The following ITGB2 variants were observed in gnomAD, a reference collection of about 807,000 sequenced individuals.
The protein encoded by ITGB2 is integrin beta-2.
A neutral mutation model predicts 86.8 loss-of-function variants in ITGB2; 56 were observed. The observed-to-expected ratio is 0.65, with a 90% CI of 0.52 to 0.81. The LOEUF (loss-of-function observed/expected upper bound fraction) is 0.81, where lower values mean the gene tolerates loss of function less well. ITGB2 is among the 30% of genes least tolerant of loss of function. The probability of loss-of-function intolerance (pLI) is 0.00; values close to 1 mark genes in which losing one functional copy is unlikely to be tolerated. For missense variants in ITGB2, 948 were observed against 1,061.2 expected (o/e 0.89, Z 1.48); for synonymous variants, 457 against 450.4 (o/e 1.01, Z -0.19).
rs750067657 is a variant in ITGB2, at chr21:44,899,155, G to A, written c.905C>T (p.Pro302Leu). ...LYKRSNEFDYPSVGQLAHKLA... is the reference protein window; with the variant it reads ...LYKRSNEFDYLSVGQLAHKLA... ...CTTGTGCGCCAGCTGGCCCACCGAT[G>A]GGTAGTCCTGGAGAGAGGAGGTCCT... The change falls in exon 8 of 16, where the codon CCA becomes CTA. Residue 302 changes from proline (P) to leucine (L), a missense_variant. Transcript: ENST00000652462. 2.0e-5 allele frequency: 33 copies of A among 1,613,392 alleles called. No homozygotes were observed. Among genetic ancestry groups the A allele is most frequent in the Non-Finnish European group, 2.8e-5 (33 of 1,179,416 alleles).
intron 7 of ITGB2, among the ~76,000 whole-genome samples, chr21:44,899,952 T>C (rs1210209192): frequency 6.6e-6 from 1 of 152,164 alleles, no homozygotes; most frequent in Non-Finnish European, 1.5e-5. Flanking sequence ...AGGCGGATGC[T>C]TGGGGATGGG....
At chr21:44,924,619 C>T (rs1184966141), upstream of ITGB2, among the ~76,000 whole-genome samples, 2 of 152,126 alleles carry the variant, frequency 1.3e-5, no homozygotes, top group African/African-American at 4.8e-5. Context: ...AGCACAAAGA[C>T]CATAAGGAGG....
At chr21:44,926,091 C>T (rs972155304) in intron 1 of ITGB2, among the ~76,000 whole-genome samples, 2 of 151,836 alleles carry the variant, frequency 1.3e-5, no homozygotes, top group African/African-American at 2.4e-5. Flanking sequence ...GACAACAGAG[C>T]GAGACTCCGT....
At chr21:44,918,989 A>G in intron 1 of ITGB2, among the ~76,000 whole-genome samples, 2 of 152,162 alleles carry the variant, frequency 1.3e-5, no homozygotes, top group African/African-American at 4.8e-5. Context: ...CAGCACTCGG[A>G]GCTGAGCATT....
At chr21:44,900,254 AC>A in intron 7 of ITGB2, 65 bp downstream of exon 7, 1 of 1,592,052 alleles carries the variant, frequency 6.3e-7, no homozygotes, top group Non-Finnish European at 8.6e-7. Context: ...TGGAGACCCC[AC>A]CCTTGTCTCC....
At chr21:44,886,616 C>G (rs2083702107) in intron 15 of ITGB2, 120 bp downstream of exon 15, 2 of 1,499,748 alleles carry the variant, frequency 1.3e-6, no homozygotes, top group Non-Finnish European at 1.9e-6. Flanking sequence ...AGAGGACAAG[C>G]TGCCTGGGGA....
intron 3 of ITGB2, among the ~76,000 whole-genome samples, chr21:44,909,983 G>C (rs1276960284): frequency 6.6e-6 from 1 of 152,224 alleles, no homozygotes; most frequent in Non-Finnish European, 1.5e-5. Flanking sequence ...AGTTTTGTAA[G>C]TGAAAACCTT....
intron 8 of ITGB2, among the ~76,000 whole-genome samples, chr21:44,895,502 C>T (rs2083851650): frequency 6.6e-6 from 1 of 152,058 alleles, no homozygotes; most frequent in African/African-American, 2.4e-5. Context: ...TGCACTCCAG[C>T]CTGGGCGACA....
chr21:44,908,407 T>C (rs1441782779), intron 3 of ITGB2, among the ~76,000 whole-genome samples: 2 of 151,944 alleles, frequency 1.3e-5, no homozygotes, highest in Non-Finnish European at 2.9e-5. Context: ...ATAATATTAT[T>C]ATTATTATTA....
At chr21:44,897,132 G>T (rs994682263) in intron 8 of ITGB2, among the ~76,000 whole-genome samples, 8 of 152,130 alleles carry the variant, frequency 5.3e-5, no homozygotes, top group African/African-American at 1.7e-4. Flanking sequence ...CGTGTCTCCC[G>T]CAGGGTCCTG....
chr21:44,924,155 C>T (rs532305889), upstream of ITGB2, among the ~76,000 whole-genome samples: 21 of 152,214 alleles, frequency 1.4e-4, 1 homozygote, highest in South Asian at 3.7e-3. Flanking sequence ...TCAGGCCAGT[C>T]GCGGTGGCTC....
intron 4 of ITGB2, among the ~76,000 whole-genome samples, chr21:44,906,443 GGGAC>G (rs1466003221): frequency 6.6e-6 from 1 of 152,080 alleles, no homozygotes; most frequent in African/African-American, 2.4e-5. Context: ...GCACTGACAG[GGGAC>G]TGTGTTCTGA....
At position 44,901,422 on chromosome 21, in the gene ITGB2, C is replaced by T; in HGVS notation, c.741+70G>A. ...TGCCGGCCAGGGTACCCCCCTGCCC[C>T]CACACAGCGCCTGACAGAGCCCCCC... On this transcript the variant is annotated intron_variant, in intron 6 of 15. Transcript: ENST00000652462. The T allele has an allele frequency of 4.5e-6, 7 of 1,569,940 alleles. No individual in the cohort carries two copies. The South Asian group carries it at 6.8e-5, about 15-fold the overall frequency.
chr21:44,889,825 C>T (rs2083758998), intron 12 of ITGB2, among the ~76,000 whole-genome samples, 153 bp downstream of exon 12: 1 of 152,186 alleles, frequency 6.6e-6, no homozygotes, highest in Non-Finnish European at 1.5e-5. Flanking sequence ...CATCCAAGTT[C>T]CTGCTGACGC....
rs138659490 is a variant in ITGB2, at chr21:44,891,863, C to T, written c.1358G>A (p.Ser453Asn). ...PQCECRCRDQ[S>N]RDRSLCHGKG... ...GCCATGGCAGAGGCTGCGGTCTCTGCTCTGGTCCCGGCACCGGCACTCACA... is the reference window on the plus strand; with the variant it reads ...GCCATGGCAGAGGCTGCGGTCTCTGTTCTGGTCCCGGCACCGGCACTCACA... The change falls in exon 11 of 16, where the codon AGC becomes AAC. Residue 453 changes from serine (S) to asparagine (N), a missense_variant. By Grantham distance (46) the Ser-to-Asn change is conservative. Coordinates refer to ENST00000652462, the MANE Select transcript of ITGB2 (RefSeq NM_000211.5). The T allele has an allele frequency of 6.5e-4, 1,048 of 1,611,774 alleles. No homozygotes were observed. Among genetic ancestry groups the T allele is most frequent in the Non-Finnish European group, 7.9e-4 (928 of 1,179,986 alleles).
rs138303556 is a variant in ITGB2 at position 44,907,081 on chromosome 21, C to T, written c.162G>A (p.Pro54=). The T allele has an allele frequency of 2.9e-3, 4,718 of 1,603,324 alleles. 14 individuals are homozygous for T. The highest frequency in any genetic ancestry group is 3.5e-3 in the Non-Finnish European group (4,094 of 1,172,582). ...CGCAGCGAATGGAGTCAGGATCCCC[C>T]GGCCCTGTGAAGTTCTGGGGAGGGG... ...TWCQKLNFTG[P]GDPDSIRCDT... The change falls in exon 4 of 16, where the codon CCG becomes CCA. Residue 54 remains proline (P), a synonymous_variant. Coordinates refer to ENST00000652462, the MANE Select transcript of ITGB2 (RefSeq NM_000211.5).
At position 44,893,529 on chromosome 21, in the gene ITGB2, C is replaced by T; in HGVS notation, c.1099G>A (p.Val367Ile). 1 of 1,613,948 alleles carries T rather than the reference C, an allele frequency of 6.2e-7. No homozygotes were observed. The highest frequency in any genetic ancestry group is 8.5e-7 in the Non-Finnish European group (1 of 1,179,894). Residue 367 changes from valine (V) to isoleucine (I), a missense_variant, in exon 10 of 16, where the codon GTC becomes ATC. Coordinates refer to ENST00000652462, the MANE Select transcript of ITGB2 (RefSeq NM_000211.5). ...GGGAGGGCGTTGTGATCCAGGAAGA[C>T]CCTGGAGGAGAGTTTCTGCGGGCAG... The part of the protein sequence containing the change: ...KNAYNKLSSR[V>I]FLDHNALPDT...
intron 1 of ITGB2, among the ~76,000 whole-genome samples, chr21:44,918,069 C>T (rs577299628): frequency 7.9e-5 from 12 of 152,348 alleles, no homozygotes; most frequent in African/African-American, 2.6e-4. Context: ...GCACCAGGTC[C>T]GGCTTGGGGT....
chr21:44,904,478 C>G (rs2146533857), intron 4 of ITGB2, among the ~76,000 whole-genome samples: 1 of 151,854 alleles, frequency 6.6e-6, no homozygotes, highest in South Asian at 2.1e-4. Flanking sequence ...CCACACACAG[C>G]AAACACACCA....
Sources: gnomAD v4.1 joint callset for allele counts (sites outside exome capture counted in the v4.1 genomes callset) on GRCh38, gnomAD v4.1.1 for gene constraint, MANE v1.5 for transcripts, NCBI Gene and HGNC (gene_info 2026-07-23, HGNC 2026-07-21) for gene names.